ITGA2B: variants seen among roughly 807,000 people sequenced by gnomAD.
ITGA2B encodes the protein integrin subunit alpha 2b.
ITGA2B carries 91 observed loss-of-function variants against 142.0 expected under a neutral mutation model. That is an observed-to-expected ratio of 0.64 (90% CI 0.54 to 0.76). The LOEUF is 0.76. Among genes scored for constraint, ITGA2B ranks in the 30% least tolerant of loss-of-function variants. ITGA2B has a pLI of 0.00. For synonymous variants in ITGA2B, 536 were observed against 567.2 expected, an observed-to-expected ratio of 0.94 and a Z score of 0.78; for missense variants, 1,231 against 1,350.8, an observed-to-expected ratio of 0.91 and a Z score of 1.39.
Position 44,374,409 on chromosome 17 carries a change from A to G in ITGA2B, c.3005T>C (p.Val1002Ala). 1 of 1,614,018 alleles carries G rather than the reference A, an allele frequency of 6.2e-7. No individual in the cohort carries two copies. Among genetic ancestry groups the G allele is most frequent in the Non-Finnish European group, 8.5e-7 (1 of 1,179,976 alleles). ...ERAIPIWWVL[V>A]GVLGGLLLLT... The stretch of plus-strand genomic sequence containing the variant: ...CAGCAGCAGGCCACCCAGCACACCC[A>G]CCAGCACCCACCAGATTGGAATGGC... The change falls in exon 29 of 30, where the codon GTG becomes GCG. Residue 1002 changes from valine (V) to alanine (A), a missense_variant. Val to Ala is a moderately conservative substitution (Grantham distance 64). Coordinates refer to ENST00000262407, the MANE Select transcript of ITGA2B (RefSeq NM_000419.5).
Position 44,385,086 on chromosome 17 carries a change from G to A in ITGA2B, c.671-10C>T, listed in dbSNP as rs75530944. ...GCCTGGGCCAGGAGACCTAGGGCGG[G>A]AGGGACAGCGGGTGTGAAGCCCAAA... On this transcript the variant is annotated splice_polypyrimidine_tract_variant and intron_variant, in intron 6 of 29. Coordinates refer to ENST00000262407, the MANE Select transcript of ITGA2B (RefSeq NM_000419.5). The A allele has an allele frequency of 6.2e-7, 1 of 1,614,168 alleles. No homozygotes were observed. The highest frequency in any genetic ancestry group is 8.5e-7 in the Non-Finnish European group (1 of 1,180,040).
At position 44,384,548 on chromosome 17, in the gene ITGA2B, G is replaced by A; in HGVS notation, c.837C>T (p.Leu279=). ...AAGTGGATTTCTTGCCTGTAGTGTT[G>A]AGATCCCCGTCGAACTCGCCCACGG... ...SVAVGEFDGD[L]NTTEYVVGAP... Residue 279 remains leucine (L), a synonymous_variant, in exon 8 of 30, where the codon CTC becomes CTT. Coordinates refer to ENST00000262407, the MANE Select transcript of ITGA2B (RefSeq NM_000419.5). 1 of 1,614,120 alleles carries A rather than the reference G, an allele frequency of 6.2e-7. No homozygotes were observed. Among genetic ancestry groups the A allele is most frequent in the Non-Finnish European group, 8.5e-7 (1 of 1,180,040 alleles).
intron 26 of ITGA2B, 37 bp downstream of exon 26, chr17:44,375,554 C>T (rs757455723): frequency 1.9e-6 from 3 of 1,610,130 alleles, no homozygotes; most frequent in Non-Finnish European, 2.5e-6. Flanking sequence ...CCGTGGGTCC[C>T]GGGGAGGCCG....
chr17:44,380,815 G>A (rs2048589855), intron 13 of ITGA2B, 64 bp downstream of exon 13: 2 of 1,604,474 alleles, frequency 1.2e-6, no homozygotes, highest in Non-Finnish European at 1.7e-6. Flanking sequence ...GTGTCTCTTG[G>A]CACTTCCAGC....
chr17:44,380,823 A>G, intron 13 of ITGA2B, 56 bp downstream of exon 13: 1 of 1,606,610 alleles, frequency 6.2e-7, no homozygotes, highest in Non-Finnish European at 8.5e-7. Context: ...TGGCACTTCC[A>G]GCGAATGTCC....
At chr17:44,386,766 C>T (rs2048652898) in intron 1 of ITGA2B, among the ~76,000 whole-genome samples, 2 of 152,144 alleles carry the variant, frequency 1.3e-5, no homozygotes, top group African/African-American at 4.8e-5. Context: ...ATAACAAACG[C>T]TCTTGAAACA....
rs2048614836 is a variant in ITGA2B at position 44,383,565 on chromosome 17, C to A, written c.1138G>T (p.Gly380Cys). 6.2e-7 allele frequency: 1 copy of A among 1,612,038 alleles called. No individual in the cohort carries two copies. Among genetic ancestry groups the A allele is most frequent in the African/African-American group, 1.3e-5 (1 of 74,916 alleles). The part of the protein sequence containing the change: ...ALGAPSLLLT[G>C]TQLYGRFGSA... ...CCGAATCGCCCATAGAGCTGTGTGCCAGTCAGCAGGAGGCTGGGGGCACCC... is the reference window on the plus strand; with the variant it reads ...CCGAATCGCCCATAGAGCTGTGTGCAAGTCAGCAGGAGGCTGGGGGCACCC... Residue 380 changes from glycine to cysteine, a missense_variant, in exon 12 of 30, where the codon GGC (glycine) becomes TGC (cysteine). Physicochemically the swap from Gly to Cys is radical, Grantham distance 159. Coordinates refer to ENST00000262407, the MANE Select transcript of ITGA2B (RefSeq NM_000419.5).
At chr17:44,376,582 A>G (rs1416105843) in intron 22 of ITGA2B, among the ~76,000 whole-genome samples, 194 bp from the exon 23 acceptor site, 3 of 152,052 alleles carry the variant, frequency 2.0e-5, no homozygotes, top group Non-Finnish European at 4.4e-5. Context: ...AAGAAAGGGA[A>G]CCAGGCTTCT....
chr17:44,374,104 C>A (rs1192686595), intron 29 of ITGA2B: 5 of 473,168 alleles, frequency 1.1e-5, no homozygotes, highest in Non-Finnish European at 2.0e-5. Context: ...TGGGGTTTCA[C>A]CATGTTGGCC....
chr17:44,376,271 T>A (rs368492216), intron 23 of ITGA2B, 37 bp downstream of exon 23: 89 of 1,613,796 alleles, frequency 5.5e-5, no homozygotes, highest in Non-Finnish European at 7.1e-5. Context: ...TTTAGAGCCC[T>A]GAATGCCATC....
chr17:44,379,724 C>T lies in ITGA2B; in HGVS notation c.1843G>A (p.Val615Ile). ...PPTEAGMAPAVVLHGDTHVQE... is the reference protein window; with the variant it reads ...PPTEAGMAPAIVLHGDTHVQE... ...ACATGGGTGTCTCCATGCAGCACGACAGCAGGGGCCATTCCAGCCTCCGTG... is the reference window on the plus strand; with the variant it reads ...ACATGGGTGTCTCCATGCAGCACGATAGCAGGGGCCATTCCAGCCTCCGTG... Residue 615 changes from valine to isoleucine, a missense_variant, in exon 18 of 30, where the codon GTC becomes ATC. Val to Ile is a conservative substitution (Grantham distance 29). This residue lies in a region of ITGA2B where 908 missense variants were observed against 1,021.1 expected (regional missense o/e 0.89). Coordinates refer to ENST00000262407, the MANE Select transcript of ITGA2B (RefSeq NM_000419.5). 1.2e-6 allele frequency: 2 copies of T among 1,613,948 alleles called. No homozygotes were observed. Among genetic ancestry groups the T allele is most frequent in the South Asian group, 2.2e-5 (2 of 91,090 alleles).
chr17:44,372,823 G>A (rs910242544), intron 29 of ITGA2B, among the ~76,000 whole-genome samples: 5 of 151,900 alleles, frequency 3.3e-5, no homozygotes, highest in African/African-American at 9.7e-5. Context: ...GTTTCACCCT[G>A]TTGGCCGGGC....
chr17:44,377,065 G>A lies in ITGA2B; in HGVS notation c.2211C>T (p.Ser737=), dbSNP rs752778097. 8.8e-6 allele frequency: 14 copies of A among 1,587,668 alleles called. No homozygotes were observed. In the East Asian group the frequency reaches 1.8e-4, roughly 21 times the overall value. The change falls in exon 22 of 30, where the codon AGC becomes AGT. Residue 737 remains serine, a synonymous_variant. Transcript: ENST00000262407. Reference sequence around the variant, plus strand: ...CCCCAGCCTCTTCCAGATTCCCCACGCTCACCAACATCGCGATTCCTATCT... The same window carrying A: ...CCCCAGCCTCTTCCAGATTCCCCACACTCACCAACATCGCGATTCCTATCT... ...NAQIGIAMLV[S]VGNLEEAGES...
chr17:44,382,705 T>C (rs2048607388), intron 12 of ITGA2B, among the ~76,000 whole-genome samples: 1 of 151,974 alleles, frequency 6.6e-6, no homozygotes, highest in Non-Finnish European at 1.5e-5. Context: ...CCCATGAATA[T>C]TTCTCCAGCC....
rs2048642373 is a variant in ITGA2B at position 44,385,725 on chromosome 17, A to AGGCCACAGGAGTGGGGACGGGCGC, written c.409-33_409-10dup. The stretch of plus-strand genomic sequence containing the variant: ...TGCCAGGGGGCGCAGGCCTGGAGAA[A>AGGCCACAGGAGTGGGGACGGGCGC]GGCCACAGGAGTGGGGACGGGCGCG... On this transcript the variant is annotated splice_polypyrimidine_tract_variant and intron_variant, in intron 3 of 29. Coordinates refer to ENST00000262407, the MANE Select transcript of ITGA2B (RefSeq NM_000419.5). 7.4e-6 allele frequency: 12 copies of AGGCCACAGGAGTGGGGACGGGCGC among 1,613,444 alleles called. No homozygotes were observed. Among genetic ancestry groups the AGGCCACAGGAGTGGGGACGGGCGC allele is most frequent in the Admixed American group, 1.7e-5 (1 of 60,010 alleles).
chr17:44,384,061 C>T, intron 10 of ITGA2B, 24 bp downstream of exon 10: 1 of 1,613,752 alleles, frequency 6.2e-7, no homozygotes, highest in Non-Finnish European at 8.5e-7. Context: ...CACCCAGCCA[C>T]GCCCACTGGG....
rs551266734 is a variant in ITGA2B at position 44,374,687 on chromosome 17, G to T, written c.2915C>A (p.Pro972Gln). 1 of 1,613,946 alleles carries T rather than the reference G, an allele frequency of 6.2e-7. No homozygotes were observed. ...NVSSLPYAVP[P>Q]LSLPRGEAQV... ...AGCTTCCCCTCGGGGCAGGCTGAGC[G>T]GGGGCACCGCATAGGGGAGGGAGGA... The change falls in exon 28 of 30, where the codon CCG becomes CAG. Residue 972 changes from proline to glutamine, a missense_variant. Coordinates refer to ENST00000262407, the MANE Select transcript of ITGA2B (RefSeq NM_000419.5).
At chr17:44,384,457 T>C (rs1327879382) in intron 8 of ITGA2B, 81 bp downstream of exon 8, 3 of 1,608,490 alleles carry the variant, frequency 1.9e-6, no homozygotes, top group African/African-American at 2.7e-5. Flanking sequence ...GCAGGAAGAT[T>C]TCCCTACATA....
intron 27 of ITGA2B, 86 bp downstream of exon 27, chr17:44,374,912 C>T: frequency 7.6e-7 from 1 of 1,307,202 alleles, no homozygotes; most frequent in African/African-American, 1.5e-5. Flanking sequence ...TCTCTTCCTG[C>T]CCTCCCACAC....
Sources: gnomAD v4.1 joint callset for allele counts (sites outside exome capture counted in the v4.1 genomes callset) on GRCh38, gnomAD v4.1.1 for gene constraint, gnomAD v4.1.1 regional missense constraint, MANE v1.5 for transcripts, NCBI Gene and HGNC (gene_info 2026-07-23, HGNC 2026-07-21) for gene names.